PTPRT: variants seen among roughly 807,000 people sequenced by gnomAD.
PTPRT encodes protein tyrosine phosphatase receptor type T, also known as receptor-type tyrosine-protein phosphatase T.
In PTPRT, 56 loss-of-function variants were observed where a neutral mutation model predicts 176.8. That is an observed-to-expected ratio of 0.32 (90% CI 0.26 to 0.40). PTPRT has a LOEUF of 0.40. PTPRT is among the 10% of genes least tolerant of loss of function. The pLI, the probability that PTPRT is intolerant of heterozygous loss-of-function variation, is 1.00. For synonymous variants in PTPRT, 783 were observed against 739.0 expected (o/e 1.06, Z -0.96); for missense variants, 1,540 against 1,908.2 (o/e 0.81, Z 3.60).
intron 6 of PTPRT, among the ~76,000 whole-genome samples, chr20:42,713,305 C>T (rs1030991048): frequency 6.6e-6 from 1 of 151,850 alleles, no homozygotes; most frequent in South Asian, 2.1e-4. Flanking sequence ...TATATTACCA[C>T]AAAAAAATGA....
At chr20:43,133,791 C>T (rs933949565) in intron 1 of PTPRT, among the ~76,000 whole-genome samples, 22 of 151,318 alleles carry the variant, frequency 1.5e-4, no homozygotes, top group Non-Finnish European at 2.5e-4. Context: ...GGTTCTGAAA[C>T]GCTAGCCTGC....
Position 42,110,336 on chromosome 20 carries a change from C to T in PTPRT, c.3251G>A (p.Cys1084Tyr), listed in dbSNP as rs2146290528. ...PPEAGPIVVH[C>Y]SAGAGRTGCF... ...AGGTGAAGGACCTTTGACTTACCTG[C>T]AGTGGACCACTATGGGCCCAGCTTC... is the stretch of plus-strand genomic sequence containing the variant. Residue 1084 changes from cysteine (C) to tyrosine (Y), a missense_variant, in exon 23 of 31, where the codon TGC becomes TAC. Physicochemically the swap from Cys to Tyr is radical, Grantham distance 194. This residue lies in a region of PTPRT where 248 missense variants were observed against 356.7 expected (regional missense o/e 0.70). Coordinates refer to ENST00000373187, the MANE Select transcript of PTPRT (RefSeq NM_007050.6). The T allele has an allele frequency of 1.2e-6, 2 of 1,608,238 alleles. No individual in the cohort carries two copies. The highest frequency in any genetic ancestry group is 1.3e-5 in the African/African-American group (1 of 74,938).
At chr20:42,121,069 G>A (rs544924924) in intron 19 of PTPRT, among the ~76,000 whole-genome samples, 2 of 152,286 alleles carry the variant, frequency 1.3e-5, no homozygotes, top group Admixed American at 1.3e-4. Flanking sequence ...CTTTCTTCAG[G>A]AAATAGAACT....
At chr20:42,147,375 T>C (rs1401442343) in intron 17 of PTPRT, among the ~76,000 whole-genome samples, 2 of 152,180 alleles carry the variant, frequency 1.3e-5, no homozygotes, top group African/African-American at 4.8e-5. Context: ...CATCTATCAC[T>C]TGGATAACCT....
intron 1 of PTPRT, among the ~76,000 whole-genome samples, chr20:43,093,380 G>A (rs1014968476): frequency 1.3e-5 from 2 of 152,184 alleles, no homozygotes; most frequent in Non-Finnish European, 2.9e-5. Context: ...TTAGTTGTAC[G>A]TTGGACTGTT....
At chr20:42,034,713 T>C in the PTPRT span, among the ~76,000 whole-genome samples, 9 of 152,318 alleles carry the variant, frequency 5.9e-5, no homozygotes, top group African/African-American at 2.2e-4. Context: ...CAGAAAGGAT[T>C]AACTTAGGTA....
At chr20:42,637,129 T>G (rs1308584124) in intron 7 of PTPRT, among the ~76,000 whole-genome samples, 1 of 152,128 alleles carries the variant, frequency 6.6e-6, no homozygotes, top group Non-Finnish European at 1.5e-5. Flanking sequence ...GAGTTTCTGA[T>G]TCCATAGGTT....
At chr20:43,107,993 G>A (rs1207469063) in intron 1 of PTPRT, among the ~76,000 whole-genome samples, 1 of 152,202 alleles carries the variant, frequency 6.6e-6, no homozygotes, top group Non-Finnish European at 1.5e-5. Context: ...AGAAATGGGA[G>A]TGAAAATGTT....
At chr20:43,037,710 C>T (rs535168797) in intron 1 of PTPRT, among the ~76,000 whole-genome samples, 2 of 152,074 alleles carry the variant, frequency 1.3e-5, no homozygotes, top group Non-Finnish European at 2.9e-5. Flanking sequence ...GTCCACACTC[C>T]CCTCTCTTCC....
intron 2 of PTPRT, among the ~76,000 whole-genome samples, chr20:42,800,502 G>T (rs1351599586): frequency 6.6e-6 from 1 of 152,134 alleles, no homozygotes. Flanking sequence ...ACATTCATTG[G>T]GCTGAGTCCC....
At chr20:43,034,235 A>T (rs1373019672) in intron 1 of PTPRT, among the ~76,000 whole-genome samples, 1 of 152,208 alleles carries the variant, frequency 6.6e-6, no homozygotes, top group East Asian at 1.9e-4. Context: ...GCTTCTCAGT[A>T]CAAGAGCCCA....
chr20:42,708,809 C>T (rs1004190467), intron 6 of PTPRT, among the ~76,000 whole-genome samples: 7 of 152,210 alleles, frequency 4.6e-5, no homozygotes, highest in Non-Finnish European at 1.0e-4. Context: ...AATACAGTCT[C>T]TAGCAGTTTC....
At chr20:42,436,235 G>C (rs764046173) in intron 9 of PTPRT, among the ~76,000 whole-genome samples, 1 of 152,062 alleles carries the variant, frequency 6.6e-6, no homozygotes, top group Non-Finnish European at 1.5e-5. Context: ...TATAAACAAA[G>C]TGATAAAATT....
intron 18 of PTPRT, among the ~76,000 whole-genome samples, chr20:42,138,859 T>C (rs902603986): frequency 7.9e-5 from 12 of 152,226 alleles, no homozygotes; most frequent in African/African-American, 2.9e-4. Flanking sequence ...TTGTAGGCAG[T>C]GCCCTCCCTC....
intron 12 of PTPRT, among the ~76,000 whole-genome samples, chr20:42,310,803 T>A (rs903909846): frequency 5.3e-5 from 8 of 152,316 alleles, no homozygotes; most frequent in Admixed American, 2.6e-4. Flanking sequence ...CAAATGGGAC[T>A]ACATTTTTAT....
chr20:43,026,424 AG>A (rs1214437184), intron 1 of PTPRT, among the ~76,000 whole-genome samples: 1 of 152,086 alleles, frequency 6.6e-6, no homozygotes, highest in Non-Finnish European at 1.5e-5. Flanking sequence ...GCCTAGAGAT[AG>A]AATTTTTCTA....
At position 42,081,864 on chromosome 20, in the gene PTPRT, A is replaced by C; in HGVS notation, c.4272+18T>G. 1.2e-6 allele frequency: 2 copies of C among 1,613,728 alleles called. No individual in the cohort carries two copies. Among genetic ancestry groups the C allele is most frequent in the East Asian group, 2.2e-5 (1 of 44,878 alleles). ...TAGTCAGCCCTGGCTGTTGGAGAACAGTCCTTGGGATACTCACCAGGGTCT... is the reference window on the plus strand; with the variant it reads ...TAGTCAGCCCTGGCTGTTGGAGAACCGTCCTTGGGATACTCACCAGGGTCT... On this transcript the variant is annotated intron_variant, in intron 30 of 30. Coordinates refer to ENST00000373187, the MANE Select transcript of PTPRT (RefSeq NM_007050.6).
intron 2 of PTPRT, among the ~76,000 whole-genome samples, chr20:42,851,298 A>G (rs1426593371): frequency 2.0e-5 from 3 of 152,160 alleles, no homozygotes; most frequent in Admixed American, 2.0e-4. Flanking sequence ...AAAGTATCTA[A>G]AGATCCATGA....
rs1439813528 is a variant in PTPRT at position 42,780,318 on chromosome 20, G to C, written c.487-19C>G. The C allele has an allele frequency of 6.2e-7, 1 of 1,601,598 alleles. No homozygotes were observed. Among genetic ancestry groups the C allele is most frequent in the Non-Finnish European group, 8.6e-7 (1 of 1,168,870 alleles). ...ATATCACCTGCAACACACAGGGCGGGAGTCAATTTCACAGAAACAGTTGCA... is the reference window on the plus strand; with the variant it reads ...ATATCACCTGCAACACACAGGGCGGCAGTCAATTTCACAGAAACAGTTGCA... On this transcript the variant is annotated intron_variant, in intron 3 of 30. Coordinates refer to ENST00000373187, the MANE Select transcript of PTPRT (RefSeq NM_007050.6).
Sources: gnomAD v4.1 joint callset for allele counts (sites outside exome capture counted in the v4.1 genomes callset) on GRCh38, gnomAD v4.1.1 for gene constraint, gnomAD v4.1.1 regional missense constraint, MANE v1.5 for transcripts, NCBI Gene and HGNC (gene_info 2026-07-23, HGNC 2026-07-21) for gene names.